The following GKAP1 variants were observed in gnomAD, a reference collection of about 807,000 sequenced individuals.
The protein encoded by GKAP1 is G kinase-anchoring protein 1.
A neutral mutation model predicts 56.7 loss-of-function variants in GKAP1; 31 were observed. The observed-to-expected ratio is 0.55, with a 90% CI of 0.41 to 0.74. The LOEUF (loss-of-function observed/expected upper bound fraction) is 0.74. Ranked by LOEUF, GKAP1 falls within the 30% of genes least tolerant of loss-of-function variation. The pLI is 0.00. For missense variants in GKAP1, 364 were observed against 402.3 expected, an observed-to-expected ratio of 0.90 and a Z score of 0.82; for synonymous variants, 151 against 138.6, an observed-to-expected ratio of 1.09 and a Z score of -0.63.
intron 4 of GKAP1, among the ~76,000 whole-genome samples, chr9:83,790,476 T>C (rs966509954): frequency 4.6e-5 from 7 of 152,192 alleles, no homozygotes. Flanking sequence ...ACAGTAATCA[T>C]CCTAACAGAA....
chr9:83,784,085 T>C (rs1944022627), intron 6 of GKAP1, among the ~76,000 whole-genome samples: 1 of 143,526 alleles, frequency 7.0e-6, no homozygotes, highest in Non-Finnish European at 1.5e-5. Flanking sequence ...GGCAAGATGG[T>C]GAAACCCTGT....
At chr9:83,749,228 T>A (rs1943345739) in intron 9 of GKAP1, 1 of 143,326 alleles carries the variant, frequency 7.0e-6, no homozygotes, top group Admixed American at 6.9e-5. Context: ...TTTATTTACT[T>A]TTTTTTTTTT....
Position 83,741,968 on chromosome 9 carries a change from T to C in GKAP1, c.1037A>G (p.Glu346Gly). The change falls in exon 12 of 13, where the codon GAG (glutamate) becomes GGG (glycine). Residue 346 changes from glutamate (E) to glycine (G), a missense_variant. Coordinates refer to ENST00000376371, the MANE Select transcript of GKAP1 (RefSeq NM_025211.4). The part of the protein sequence containing the change: ...ERSKVKVLQA[E>G]LAKYQGGRKG... ...AAAGCATACCTGGTATTTGGCTAAC[T>C]CTGCTTGTAATACTTTCACTTTAGA... is the stretch of plus-strand genomic sequence containing the variant. 6.3e-7 allele frequency: 1 copy of C among 1,591,458 alleles called. No individual in the cohort carries two copies. The highest frequency in any genetic ancestry group is 8.6e-7 in the Non-Finnish European group (1 of 1,168,478).
intron 7 of GKAP1, among the ~76,000 whole-genome samples, chr9:83,769,903 C>T (rs375242779): frequency 1.3e-5 from 2 of 152,160 alleles, no homozygotes; most frequent in Non-Finnish European, 2.9e-5. Context: ...TGATAGCCAC[C>T]GGGTGTGAAG....
chr9:83,790,405 T>C (rs1012099126), intron 4 of GKAP1, among the ~76,000 whole-genome samples: 3 of 152,154 alleles, frequency 2.0e-5, no homozygotes, highest in Middle Eastern at 6.3e-3. Context: ...GAAATTTCCA[T>C]CAATTTCTCC....
intron 7 of GKAP1, among the ~76,000 whole-genome samples, chr9:83,774,205 A>G (rs1490184901): frequency 2.0e-5 from 3 of 152,142 alleles, no homozygotes; most frequent in Admixed American, 1.3e-4. Flanking sequence ...GATGGATTTA[A>G]GACTTAAATG....
At chr9:83,790,248 G>A (rs1944132434) in intron 4 of GKAP1, among the ~76,000 whole-genome samples, 1 of 152,114 alleles carries the variant, frequency 6.6e-6, no homozygotes, top group Non-Finnish European at 1.5e-5. Flanking sequence ...TAAGCCCAGT[G>A]TAAATTATAC....
At chr9:83,758,585 AT>A (rs538515368) in intron 8 of GKAP1, among the ~76,000 whole-genome samples, 95 of 152,190 alleles carry the variant, frequency 6.2e-4, no homozygotes, top group Non-Finnish European at 8.8e-4. Context: ...AAATAAAAAA[AT>A]AATACATAAT....
At chr9:83,790,806 C>T (rs1051854293) in intron 4 of GKAP1, among the ~76,000 whole-genome samples, 4 of 151,542 alleles carry the variant, frequency 2.6e-5, no homozygotes, top group Non-Finnish European at 5.9e-5. Flanking sequence ...AGTGGGACTC[C>T]GTCTCAAAAA....
intron 2 of GKAP1, among the ~76,000 whole-genome samples, chr9:83,810,089 G>C (rs183387067): frequency 6.6e-6 from 1 of 152,190 alleles, no homozygotes; most frequent in Non-Finnish European, 1.5e-5. Context: ...TGGGATTACA[G>C]GCATGAGCCA....
intron 7 of GKAP1, among the ~76,000 whole-genome samples, chr9:83,770,855 C>T (rs1243679080): frequency 5.3e-5 from 8 of 151,734 alleles, no homozygotes; most frequent in African/African-American, 1.2e-4. Context: ...ACACTGCGTC[C>T]GGCGTTACAT....
intron 4 of GKAP1, among the ~76,000 whole-genome samples, chr9:83,793,995 C>T (rs928397759): frequency 6.6e-6 from 1 of 151,968 alleles, no homozygotes; most frequent in African/African-American, 2.4e-5. Flanking sequence ...GGCAAAACCC[C>T]ATCTCTACTA....
At chr9:83,768,073 G>C (rs1376676580) in intron 8 of GKAP1, among the ~76,000 whole-genome samples, 2 of 152,124 alleles carry the variant, frequency 1.3e-5, no homozygotes, top group Non-Finnish European at 2.9e-5. Flanking sequence ...GACCAGATTT[G>C]ATTCATGGGC....
chr9:83,741,322 T>C (rs963840102), intron 12 of GKAP1, among the ~76,000 whole-genome samples: 2 of 150,554 alleles, frequency 1.3e-5, no homozygotes, highest in African/African-American at 2.4e-5. Flanking sequence ...TATTATGATT[T>C]AGAAACACAT....
chr9:83,760,250 C>G (rs1345722549), intron 8 of GKAP1, among the ~76,000 whole-genome samples: 1 of 152,066 alleles, frequency 6.6e-6, no homozygotes, highest in Non-Finnish European at 1.5e-5. Flanking sequence ...GATTTCAAGA[C>G]AAGAACTATA....
intron 7 of GKAP1, among the ~76,000 whole-genome samples, chr9:83,774,118 G>A (rs1019824712): frequency 1.3e-5 from 2 of 151,644 alleles, no homozygotes; most frequent in Admixed American, 6.6e-5. Flanking sequence ...TGATCCACCC[G>A]CCTCGGCCTC....
intron 7 of GKAP1, among the ~76,000 whole-genome samples, chr9:83,779,470 T>TACAC (rs1943920881): frequency 2.5e-5 from 1 of 40,488 alleles, no homozygotes; most frequent in Non-Finnish European, 6.7e-5. Context: ...CACACGCACA[T>TACAC]ATACATATAC....
intron 4 of GKAP1, among the ~76,000 whole-genome samples, chr9:83,795,714 T>C (rs1944235880): frequency 6.7e-6 from 1 of 150,130 alleles, no homozygotes; most frequent in African/African-American, 2.4e-5. Context: ...CCACATCCAG[T>C]GAATTTTTGC....
rs1241881884 is a variant in GKAP1 at position 83,757,442 on chromosome 9, T to TA, written c.739-4084dup. Among the ~76,000 whole-genome samples, 6 of 152,356 alleles carry TA rather than the reference T, an allele frequency of 3.9e-5. 1 individual carries two copies. The East Asian group carries it at 1.2e-3, about 29-fold the overall frequency. On this transcript the variant is annotated intron_variant, in intron 8 of 12. Coordinates refer to ENST00000376371, the MANE Select transcript of GKAP1 (RefSeq NM_025211.4). ...TCACAAAATATAAATAGGTGTCACA[T>TA]ACTCTGACATTTTCTCCTGTCCCAT... is the stretch of plus-strand genomic sequence containing the variant.
Sources: allele counts gnomAD v4.1 joint callset (sites outside exome capture counted in the v4.1 genomes callset), GRCh38; gene constraint gnomAD v4.1.1; transcripts MANE v1.5; gene names NCBI Gene and HGNC (gene_info 2026-07-23, HGNC 2026-07-21).